SLC39A11: variants seen among roughly 807,000 people sequenced by gnomAD.
SLC39A11 encodes the protein zinc transporter ZIP11.
Under a neutral mutation model 36.1 loss-of-function variants are expected in SLC39A11, and 33 were observed. That is an observed-to-expected ratio of 0.91 (90% CI 0.69 to 1.22). SLC39A11 has a LOEUF of 1.22. Ranked by LOEUF, SLC39A11 falls within the 50% of genes most tolerant of loss-of-function variation. The pLI is 0.00. For missense variants in SLC39A11, 432 were observed against 430.3 expected (o/e 1.00, Z -0.03); for synonymous variants, 166 against 170.3 (o/e 0.97, Z 0.20).
At chr17:72,813,526 A>G (rs1273496817) in intron 6 of SLC39A11, among the ~76,000 whole-genome samples, 1 of 152,218 alleles carries the variant, frequency 6.6e-6, no homozygotes, top group African/African-American at 2.4e-5. Context: ...AAATACATTC[A>G]TGGATCAGAC....
chr17:72,658,451 G>C lies in SLC39A11; in HGVS notation c.672-9183C>G, dbSNP rs374456853. On this transcript the variant is annotated intron_variant, in intron 7 of 9. Transcript: ENST00000255559. ...GGGCAACAGGAAGAAAGGCATCCCC[G>C]GTGGGCAGTTGTTTCTGCTTTTTCT... is the stretch of plus-strand genomic sequence containing the variant. Among the ~76,000 whole-genome samples, 9 of 152,318 alleles carry C rather than the reference G, an allele frequency of 5.9e-5. No individual in the cohort carries two copies. In the East Asian group the frequency reaches 1.7e-3, roughly 29 times the overall value.
intron 1 of SLC39A11, among the ~76,000 whole-genome samples, chr17:73,089,156 C>G (rs986350355): frequency 1.3e-5 from 2 of 152,136 alleles, no homozygotes; most frequent in African/African-American, 4.8e-5. Flanking sequence ...CCGTCTCTTG[C>G]CCACCATCCG....
chr17:73,038,241 C>CAAA (rs1166348099), intron 3 of SLC39A11, among the ~76,000 whole-genome samples: 6 of 151,760 alleles, frequency 4.0e-5, no homozygotes, highest in Non-Finnish European at 5.9e-5. Flanking sequence ...AACAAACAAA[C>CAAA]CAACAAAAAC....
intron 7 of SLC39A11, among the ~76,000 whole-genome samples, chr17:72,716,494 G>A (rs1305229727): frequency 1.3e-5 from 2 of 151,552 alleles, no homozygotes; most frequent in Admixed American, 6.6e-5. Context: ...AGCGTCTGAA[G>A]GCGGCCACAG....
chr17:72,686,170 C>T (rs1415373448), intron 7 of SLC39A11, among the ~76,000 whole-genome samples: 1 of 152,206 alleles, frequency 6.6e-6, no homozygotes, highest in Non-Finnish European at 1.5e-5. Context: ...ATGTGACACT[C>T]AACATCTGTT....
intron 1 of SLC39A11, chr17:73,089,817 A>C (rs1305198042): frequency 6.6e-6 from 1 of 152,160 alleles, no homozygotes; most frequent in Non-Finnish European, 1.5e-5. Flanking sequence ...ACCACCGCCC[A>C]CCAAGGAAAG....
At chr17:73,023,328 A>G (rs1256026336) in intron 4 of SLC39A11, among the ~76,000 whole-genome samples, 1 of 152,138 alleles carries the variant, frequency 6.6e-6, no homozygotes, top group Non-Finnish European at 1.5e-5. Context: ...GTATTTAGAG[A>G]TAGGGCCAGT....
chr17:72,678,082 T>C (rs1048733580), intron 7 of SLC39A11, among the ~76,000 whole-genome samples: 1 of 152,218 alleles, frequency 6.6e-6, no homozygotes, highest in African/African-American at 2.4e-5. Flanking sequence ...CATGTTTCAA[T>C]GGCATTTTGG....
chr17:73,021,389 G>T (rs780939065), intron 4 of SLC39A11, among the ~76,000 whole-genome samples: 1 of 151,918 alleles, frequency 6.6e-6, no homozygotes, highest in African/African-American at 2.4e-5. Context: ...ACCCAGGCTG[G>T]AGTGTAGTGG....
At position 72,649,162 on chromosome 17, in the gene SLC39A11, G is replaced by C; in HGVS notation, c.770+8C>G. On this transcript the variant is annotated splice_region_variant and intron_variant, in intron 8 of 9. Coordinates refer to ENST00000255559, the MANE Select transcript of SLC39A11 (RefSeq NM_139177.4). ...TGTGACATGGCCTTGCCCTTGGGCAGCACTCACCAGAAAGCTCTCCAGGTG... is the reference window on the plus strand; with the variant it reads ...TGTGACATGGCCTTGCCCTTGGGCACCACTCACCAGAAAGCTCTCCAGGTG... 1 of 1,612,040 alleles carries C rather than the reference G, an allele frequency of 6.2e-7. No individual in the cohort carries two copies. Among genetic ancestry groups the C allele is most frequent in the Non-Finnish European group, 8.5e-7 (1 of 1,179,004 alleles).
chr17:72,699,169 C>T (rs2072484330), intron 7 of SLC39A11, among the ~76,000 whole-genome samples: 1 of 152,084 alleles, frequency 6.6e-6, no homozygotes, highest in Admixed American at 6.5e-5. Flanking sequence ...TCACTCTAGA[C>T]CATGGGTGTC....
At chr17:72,850,586 A>T (rs1188395328) in intron 5 of SLC39A11, among the ~76,000 whole-genome samples, 1 of 152,320 alleles carries the variant, frequency 6.6e-6, no homozygotes, top group South Asian at 2.1e-4. Context: ...TTGAGTCATG[A>T]TTAGAGACAC....
intron 6 of SLC39A11, among the ~76,000 whole-genome samples, chr17:72,802,047 C>T (rs991004557): frequency 7.9e-5 from 12 of 152,164 alleles, no homozygotes; most frequent in African/African-American, 2.4e-4. Flanking sequence ...CATTCCCTGG[C>T]CTACAGAAGG....
intron 6 of SLC39A11, among the ~76,000 whole-genome samples, chr17:72,784,378 C>A (rs974365862): frequency 1.3e-5 from 2 of 151,856 alleles, no homozygotes; most frequent in Non-Finnish European, 2.9e-5. Context: ...TTGGGGGGTG[C>A]GTGGGGCTGG....
chr17:72,713,553 CTCT>C (rs931671142), intron 7 of SLC39A11, among the ~76,000 whole-genome samples: 9 of 152,114 alleles, frequency 5.9e-5, no homozygotes, highest in South Asian at 2.1e-4. Context: ...AGTCATCAAA[CTCT>C]TCTTCTTCCT....
intron 6 of SLC39A11, among the ~76,000 whole-genome samples, chr17:72,744,574 C>G (rs919904212): frequency 1.3e-5 from 2 of 152,186 alleles, no homozygotes; most frequent in African/African-American, 2.4e-5. Flanking sequence ...AGTTTGCAGT[C>G]TTCTTGCCCA....
intron 5 of SLC39A11, among the ~76,000 whole-genome samples, chr17:72,895,196 G>T (rs2081969172): frequency 6.6e-6 from 1 of 152,164 alleles, no homozygotes; most frequent in African/African-American, 2.4e-5. Context: ...GAGGCAGCAG[G>T]GTTGGTGCGA....
chr17:73,091,294 G>C (rs1367638437), intron 1 of SLC39A11, among the ~76,000 whole-genome samples: 2 of 151,886 alleles, frequency 1.3e-5, no homozygotes, highest in Non-Finnish European at 2.9e-5. Flanking sequence ...TGGGCGTCGT[G>C]GTGTGTGCCT....
At chr17:73,043,998 A>C (rs1393366790) in intron 3 of SLC39A11, among the ~76,000 whole-genome samples, 3 of 152,220 alleles carry the variant, frequency 2.0e-5, no homozygotes, top group Admixed American at 1.3e-4. Flanking sequence ...TCAAAATTAT[A>C]ATCAATTACA....
Sources: gnomAD v4.1 joint callset for allele counts (sites outside exome capture counted in the v4.1 genomes callset) on GRCh38, gnomAD v4.1.1 for gene constraint, MANE v1.5 for transcripts, NCBI Gene and HGNC (gene_info 2026-07-23, HGNC 2026-07-21) for gene names.